DLG1: variants seen among roughly 807,000 people sequenced by gnomAD.
DLG1 encodes discs large MAGUK scaffold protein 1, also known as disks large homolog 1.
Under a neutral mutation model 123.4 loss-of-function variants are expected in DLG1, and 42 were observed. The ratio of observed to expected loss-of-function variants is 0.34; its 90% CI spans 0.27 to 0.44. DLG1 has a LOEUF of 0.44. Among genes scored for constraint, DLG1 ranks in the 20% least tolerant of loss-of-function variants. DLG1 has a pLI of 1.00. For missense variants in DLG1, 942 were observed against 1,082.6 expected, an observed-to-expected ratio of 0.87 and a Z score of 1.82; for synonymous variants, 317 against 356.2, an observed-to-expected ratio of 0.89 and a Z score of 1.24.
At chr3:197,098,777 C>T (rs1761990589) in intron 14 of DLG1, among the ~76,000 whole-genome samples, 1 of 152,198 alleles carries the variant, frequency 6.6e-6, no homozygotes, top group African/African-American at 2.4e-5. Flanking sequence ...AGGGATTTGC[C>T]TGCTTTGGCC....
intron 4 of DLG1, among the ~76,000 whole-genome samples, chr3:197,224,144 C>T (rs1363803334): frequency 6.6e-6 from 1 of 151,952 alleles, no homozygotes; most frequent in East Asian, 1.9e-4. Context: ...ATTTTCAATA[C>T]AATATTTTCT....
chr3:197,131,735 A>AG (rs376646299), intron 10 of DLG1, among the ~76,000 whole-genome samples: 1 of 148,580 alleles, frequency 6.7e-6, no homozygotes, highest in East Asian at 2.0e-4. Flanking sequence ...CTGGGACTAC[A>AG]GGCGCCCGCC....
chr3:197,062,914 A>G (rs1262255501), intron 22 of DLG1, among the ~76,000 whole-genome samples: 3 of 152,078 alleles, frequency 2.0e-5, no homozygotes, highest in Non-Finnish European at 4.4e-5. Flanking sequence ...CACAGAGTTC[A>G]TTTTACCCTC....
chr3:197,172,024 C>T (rs1804465382), intron 5 of DLG1, among the ~76,000 whole-genome samples: 1 of 152,154 alleles, frequency 6.6e-6, no homozygotes, highest in Non-Finnish European at 1.5e-5. Context: ...ATTTCCCCCA[C>T]ACAAATACAC....
At chr3:197,069,179 A>C in intron 19 of DLG1, 40 bp downstream of exon 19, 10 of 1,437,010 alleles carry the variant, frequency 7.0e-6, no homozygotes, top group Non-Finnish European at 8.7e-6. Flanking sequence ...AGGATGTATT[A>C]CTCGAGATTA....
At chr3:197,152,880 T>C (rs891171092) in intron 5 of DLG1, among the ~76,000 whole-genome samples, 2 of 152,018 alleles carry the variant, frequency 1.3e-5, no homozygotes, top group African/African-American at 4.8e-5. Flanking sequence ...TGTAACAGAC[T>C]GAAGCAGCCT....
chr3:197,289,426 AT>A (rs1773767328), intron 3 of DLG1, among the ~76,000 whole-genome samples: 1 of 152,150 alleles, frequency 6.6e-6, no homozygotes, highest in Non-Finnish European at 1.5e-5. Flanking sequence ...TCTGGTGTGA[AT>A]ATTTTCTTAT....
intron 4 of DLG1, among the ~76,000 whole-genome samples, chr3:197,270,304 T>C (rs1045577733): frequency 1.3e-5 from 2 of 152,138 alleles, no homozygotes; most frequent in Non-Finnish European, 2.9e-5. Context: ...CAAACTTAAA[T>C]GTATGTAAAC....
intron 16 of DLG1, 49 bp downstream of exon 16, chr3:197,085,531 A>T (rs1484915780): frequency 6.3e-7 from 1 of 1,588,172 alleles, no homozygotes; most frequent in Non-Finnish European, 8.6e-7. Flanking sequence ...TTAAAAGAAC[A>T]TCAATTATTT....
intron 13 of DLG1, among the ~76,000 whole-genome samples, chr3:197,109,087 C>G (rs773004744): frequency 6.6e-6 from 1 of 152,076 alleles, no homozygotes; most frequent in Non-Finnish European, 1.5e-5. Flanking sequence ...TGTGGTGGTT[C>G]TAGACTGTAA....
intron 13 of DLG1, among the ~76,000 whole-genome samples, chr3:197,114,700 C>A (rs1017492987): frequency 6.6e-6 from 1 of 152,012 alleles, no homozygotes. Context: ...GGGAAATTTT[C>A]GGCCAGGTGC....
intron 11 of DLG1, among the ~76,000 whole-genome samples, chr3:197,124,368 G>C (rs1777948419): frequency 6.6e-6 from 1 of 152,082 alleles, no homozygotes; most frequent in South Asian, 2.1e-4. Flanking sequence ...TCCGCCTCCT[G>C]GGTTCAAGCA....
intron 5 of DLG1, among the ~76,000 whole-genome samples, chr3:197,174,462 A>C (rs959309107): frequency 1.3e-5 from 2 of 152,132 alleles, no homozygotes; most frequent in African/African-American, 4.8e-5. Context: ...CAACTGAAAA[A>C]ATTTTGCCTC....
chr3:197,143,367 T>C (rs1789038763), intron 6 of DLG1, among the ~76,000 whole-genome samples: 1 of 152,146 alleles, frequency 6.6e-6, no homozygotes. Context: ...ACCATTCTCC[T>C]GCCTCAGCCT....
chr3:197,071,827 T>C (rs969989252), intron 18 of DLG1, among the ~76,000 whole-genome samples: 4 of 152,164 alleles, frequency 2.6e-5, no homozygotes, highest in African/African-American at 4.8e-5. Context: ...TGGGAGTTCA[T>C]GCGCTAGGAA....
At chr3:197,285,980 T>C (rs1356167027) in intron 3 of DLG1, among the ~76,000 whole-genome samples, 1 of 152,182 alleles carries the variant, frequency 6.6e-6, no homozygotes, top group Non-Finnish European at 1.5e-5. Flanking sequence ...ACCAATATGT[T>C]CTTTAACAGG....
chr3:197,276,612 T>C (rs1766554142), intron 4 of DLG1, among the ~76,000 whole-genome samples: 1 of 152,202 alleles, frequency 6.6e-6, no homozygotes, highest in South Asian at 2.1e-4. Context: ...GCCTTTTTCT[T>C]AGTTTCTATA....
intron 5 of DLG1, among the ~76,000 whole-genome samples, chr3:197,162,019 C>T (rs1798973907): frequency 6.6e-6 from 1 of 152,056 alleles, no homozygotes. Context: ...TACAATATTC[C>T]TTCCTTCTCT....
At chr3:197,062,147 C>G (rs1736261420) in intron 22 of DLG1, among the ~76,000 whole-genome samples, 1 of 152,192 alleles carries the variant, frequency 6.6e-6, no homozygotes, top group Non-Finnish European at 1.5e-5. Context: ...GTTGAAAATA[C>G]TGTAAATTGA....
Sources: allele counts gnomAD v4.1 joint callset (sites outside exome capture counted in the v4.1 genomes callset), GRCh38; gene constraint gnomAD v4.1.1; transcripts MANE v1.5; gene names NCBI Gene and HGNC (gene_info 2026-07-23, HGNC 2026-07-21).